The following NR6A1 variants were observed in gnomAD, a reference collection of about 807,000 sequenced individuals.
NR6A1 encodes the protein retinoic acid receptor-related testis-associated receptor.
NR6A1 carries 7 observed loss-of-function variants against 59.1 expected under a neutral mutation model. The ratio of observed to expected loss-of-function variants is 0.12; its 90% CI spans 0.07 to 0.22. The LOEUF is 0.22. Ranked by LOEUF, NR6A1 falls within the 10% of genes least tolerant of loss-of-function variation. NR6A1 has a pLI of 1.00. For synonymous variants in NR6A1, 243 were observed against 236.1 expected (o/e 1.03, Z -0.27); for missense variants, 468 against 611.6 (o/e 0.77, Z 2.48).
chr9:124,766,965 G>A (rs905110104), intron 1 of NR6A1, among the ~76,000 whole-genome samples: 1 of 152,144 alleles, frequency 6.6e-6, no homozygotes, highest in African/African-American at 2.4e-5. Flanking sequence ...AAACATGCAA[G>A]CATCATTAGC....
chr9:124,644,523 A>G (rs1187430377), intron 2 of NR6A1, among the ~76,000 whole-genome samples: 1 of 152,156 alleles, frequency 6.6e-6, no homozygotes, highest in Non-Finnish European at 1.5e-5. Context: ...AAGTGCTGGA[A>G]TTACAGGTGT....
intron 2 of NR6A1, among the ~76,000 whole-genome samples, chr9:124,708,394 G>A (rs998122042): frequency 6.6e-6 from 1 of 152,144 alleles, no homozygotes. Context: ...TGGTTTTCAT[G>A]AATAAATGCT....
intron 1 of NR6A1, among the ~76,000 whole-genome samples, chr9:124,758,175 TC>T (rs35531131): frequency 0.5 from 76,145 of 151,966 alleles, 19,191 homozygotes; most frequent in Admixed American, 0.6. Flanking sequence ...TTGATTAAGT[TC>T]TCTCCCTAAA....
intron 2 of NR6A1, among the ~76,000 whole-genome samples, chr9:124,604,401 T>C (rs775897698): frequency 5.3e-5 from 8 of 152,210 alleles, no homozygotes; most frequent in African/African-American, 1.4e-4. Flanking sequence ...TCTTTGACTA[T>C]ACCCACATAC....
At chr9:124,532,365 C>T (rs920850011) in intron 7 of NR6A1, among the ~76,000 whole-genome samples, 1 of 152,208 alleles carries the variant, frequency 6.6e-6, no homozygotes, top group Non-Finnish European at 1.5e-5. Flanking sequence ...TTCCCTGACC[C>T]TGTGAACAGA....
chr9:124,640,802 T>C (rs1836749282), intron 2 of NR6A1, among the ~76,000 whole-genome samples: 1 of 152,094 alleles, frequency 6.6e-6, no homozygotes, highest in Admixed American at 6.6e-5. Context: ...TTTGTATTTT[T>C]TGTAGCAATA....
chr9:124,556,619 C>A (rs1030369660), intron 2 of NR6A1, among the ~76,000 whole-genome samples: 1 of 152,072 alleles, frequency 6.6e-6, no homozygotes, highest in Admixed American at 6.6e-5. Flanking sequence ...TGCCACCATG[C>A]CCTGCTAATT....
intron 2 of NR6A1, among the ~76,000 whole-genome samples, chr9:124,720,542 C>G (rs905553302): frequency 6.6e-6 from 1 of 152,222 alleles, no homozygotes; most frequent in African/African-American, 2.4e-5. Context: ...TGCTTACCAA[C>G]AAAGCACATT....
intron 1 of NR6A1, among the ~76,000 whole-genome samples, chr9:124,737,461 G>A (rs1036101060): frequency 1.2e-4 from 19 of 152,206 alleles, no homozygotes; most frequent in Non-Finnish European, 2.1e-4. Flanking sequence ...CTGGCAAAAT[G>A]ATTCTTAGCT....
chr9:124,644,943 G>T (rs1198460110), intron 2 of NR6A1, among the ~76,000 whole-genome samples: 1 of 152,146 alleles, frequency 6.6e-6, no homozygotes, highest in Non-Finnish European at 1.5e-5. Flanking sequence ...CAATATTCAG[G>T]AATGCACACT....
intron 2 of NR6A1, among the ~76,000 whole-genome samples, chr9:124,632,374 AT>A (rs1836471657): frequency 6.6e-6 from 1 of 152,084 alleles, no homozygotes; most frequent in South Asian, 2.1e-4. Flanking sequence ...CTGGTGTGAG[AT>A]TGTATCTCAT....
intron 2 of NR6A1, among the ~76,000 whole-genome samples, chr9:124,594,714 G>GTACA (rs554189888): frequency 6.6e-6 from 1 of 152,154 alleles, no homozygotes; most frequent in Non-Finnish European, 1.5e-5. Context: ...AGGTGCTGGG[G>GTACA]TACAACATAT....
At chr9:124,603,397 G>A (rs939985132) in intron 2 of NR6A1, among the ~76,000 whole-genome samples, 3 of 151,894 alleles carry the variant, frequency 2.0e-5, no homozygotes, top group East Asian at 1.9e-4. Flanking sequence ...CTTACCTCAC[G>A]ACAGGTTTTT....
intron 1 of NR6A1, among the ~76,000 whole-genome samples, chr9:124,744,327 A>T (rs750393449): frequency 3.9e-5 from 6 of 152,254 alleles, no homozygotes; most frequent in Non-Finnish European, 7.3e-5. Flanking sequence ...GTCAGTTGCC[A>T]TTTATTGAAT....
At chr9:124,721,936 G>C (rs1381215269) in intron 2 of NR6A1, among the ~76,000 whole-genome samples, 1 of 152,106 alleles carries the variant, frequency 6.6e-6, no homozygotes, top group Non-Finnish European at 1.5e-5. Context: ...ATCTCTTCAG[G>C]CCTCATAGTT....
chr9:124,766,781 T>C (rs1840946717), intron 1 of NR6A1, among the ~76,000 whole-genome samples: 1 of 152,268 alleles, frequency 6.6e-6, no homozygotes. Context: ...AGTCTCCTAA[T>C]GTGGGAGAAT....
intron 2 of NR6A1, among the ~76,000 whole-genome samples, chr9:124,640,110 G>A (rs1387102066): frequency 6.6e-6 from 1 of 152,184 alleles, no homozygotes; most frequent in Non-Finnish European, 1.5e-5. Flanking sequence ...TGGCGTCCTA[G>A]GGTCCTGCAG....
intron 7 of NR6A1, among the ~76,000 whole-genome samples, chr9:124,529,480 A>G (rs944954441): frequency 3.3e-5 from 5 of 152,216 alleles, no homozygotes; most frequent in African/African-American, 1.2e-4. Flanking sequence ...GGGATGAGGA[A>G]GCAGAAAAAG....
intron 2 of NR6A1, among the ~76,000 whole-genome samples, chr9:124,697,870 T>C (rs185220361): frequency 5.9e-5 from 9 of 152,282 alleles, no homozygotes; most frequent in East Asian, 5.8e-4. Flanking sequence ...CATCTGTAAA[T>C]AGGAGATACA....
Sources: gnomAD v4.1 joint callset for allele counts (sites outside exome capture counted in the v4.1 genomes callset) on GRCh38, gnomAD v4.1.1 for gene constraint, MANE v1.5 for transcripts, NCBI Gene and HGNC (gene_info 2026-07-23, HGNC 2026-07-21) for gene names.